Variants in DACH1 observed in about 807,000 individuals in gnomAD.
DACH1 encodes dachshund homolog 1.
DACH1 carries 12 observed loss-of-function variants against 54.2 expected under a neutral mutation model. That is an observed-to-expected ratio of 0.22 (90% CI 0.14 to 0.36). DACH1 has a LOEUF of 0.36. Among genes scored for constraint, DACH1 ranks in the 10% least tolerant of loss-of-function variants. The probability of loss-of-function intolerance (pLI) is 1.00; values close to 1 mark genes in which losing one functional copy is unlikely to be tolerated. For synonymous variants in DACH1, 386 were observed against 366.2 expected (o/e 1.05, Z -0.62); for missense variants, 805 against 929.8 (o/e 0.87, Z 1.75).
intron 1 of DACH1, among the ~76,000 whole-genome samples, chr13:71,735,591 G>C (rs61958971): frequency 8.5e-5 from 3 of 35,204 alleles, no homozygotes; most frequent in Non-Finnish European, 8.9e-4. Flanking sequence ...GTGTATATGG[G>C]ATATACGTAT....
intron 2 of DACH1, among the ~76,000 whole-genome samples, chr13:71,631,867 G>A (rs1223211256): frequency 6.6e-6 from 1 of 152,198 alleles, no homozygotes; most frequent in Non-Finnish European, 1.5e-5. Context: ...GGGAGGCAGA[G>A]ACAGGCGGAT....
chr13:71,616,559 C>G (rs1197444185), intron 3 of DACH1, among the ~76,000 whole-genome samples: 1 of 151,846 alleles, frequency 6.6e-6, no homozygotes, highest in African/African-American at 2.4e-5. Context: ...CTAACCTGGG[C>G]AACAATGTCT....
chr13:71,515,670 C>T (rs967444899), intron 6 of DACH1, among the ~76,000 whole-genome samples: 1 of 151,870 alleles, frequency 6.6e-6, no homozygotes, highest in Non-Finnish European at 1.5e-5. Context: ...TAAAGAAATA[C>T]AAATTGCACA....
At chr13:71,587,295 G>C (rs1329216008) in intron 3 of DACH1, among the ~76,000 whole-genome samples, 2 of 152,010 alleles carry the variant, frequency 1.3e-5, no homozygotes, top group Non-Finnish European at 2.9e-5. Flanking sequence ...TGCACAGCTT[G>C]CAACATTATT....
intron 2 of DACH1, among the ~76,000 whole-genome samples, chr13:71,653,371 C>A (rs1179139306): frequency 6.6e-6 from 1 of 152,220 alleles, no homozygotes. Context: ...ACAATCTAAG[C>A]CTGAGTGAAG....
chr13:71,460,580 C>T (rs577208731), intron 10 of DACH1, among the ~76,000 whole-genome samples: 47 of 152,026 alleles, frequency 3.1e-4, no homozygotes, highest in African/African-American at 1.1e-3. Flanking sequence ...ACACGGTTGT[C>T]TTGTTGGGAG....
intron 2 of DACH1, among the ~76,000 whole-genome samples, chr13:71,671,797 G>T (rs993814908): frequency 6.6e-6 from 1 of 152,222 alleles, no homozygotes; most frequent in East Asian, 1.9e-4. Context: ...TCTGTCAGAA[G>T]GAAAATTTGA....
intron 1 of DACH1, among the ~76,000 whole-genome samples, chr13:71,850,127 C>G (rs2138261695): frequency 6.6e-6 from 1 of 152,304 alleles, no homozygotes; most frequent in Middle Eastern, 3.4e-3. Flanking sequence ...CTACAGCTCT[C>G]ATAGGTATAC....
chr13:71,716,277 T>C (rs1341083980), intron 1 of DACH1, among the ~76,000 whole-genome samples: 1 of 152,110 alleles, frequency 6.6e-6, no homozygotes, highest in Non-Finnish European at 1.5e-5. Flanking sequence ...TCCTGTAGTG[T>C]TTGATACTGA....
chr13:71,711,369 A>C (rs1398254592), intron 1 of DACH1, among the ~76,000 whole-genome samples: 1 of 152,178 alleles, frequency 6.6e-6, no homozygotes, highest in Non-Finnish European at 1.5e-5. Flanking sequence ...GAAGGTTTTT[A>C]ACATCTAAGA....
At chr13:71,763,187 G>A in intron 1 of DACH1, among the ~76,000 whole-genome samples, 1 of 152,150 alleles carries the variant, frequency 6.6e-6, no homozygotes, top group Non-Finnish European at 1.5e-5. Flanking sequence ...TATTAAGTAA[G>A]TATTATATGT....
chr13:71,842,964 T>C (rs1477367133), intron 1 of DACH1, among the ~76,000 whole-genome samples: 1 of 152,200 alleles, frequency 6.6e-6, no homozygotes, highest in Non-Finnish European at 1.5e-5. Flanking sequence ...TCAATAACAT[T>C]TTATAATTTA....
At chr13:71,639,328 A>G (rs1877726124) in intron 2 of DACH1, among the ~76,000 whole-genome samples, 1 of 152,136 alleles carries the variant, frequency 6.6e-6, no homozygotes, top group Admixed American at 6.6e-5. Flanking sequence ...TAGACTGAAG[A>G]TTTTGAGTGT....
intron 2 of DACH1, among the ~76,000 whole-genome samples, chr13:71,654,344 T>C (rs61958962): frequency 0.041 from 6,155 of 148,554 alleles, 206 homozygotes; most frequent in Admixed American, 0.097. Context: ...GAGCCGAGAC[T>C]GCACCACCAC....
chr13:71,761,003 C>A (rs1265495214), intron 1 of DACH1, among the ~76,000 whole-genome samples: 1 of 151,826 alleles, frequency 6.6e-6, no homozygotes, highest in Non-Finnish European at 1.5e-5. Flanking sequence ...AATCCTTCAT[C>A]TTGTATGTCC....
At chr13:71,840,370 GA>G (rs907868612) in intron 1 of DACH1, among the ~76,000 whole-genome samples, 3 of 151,526 alleles carry the variant, frequency 2.0e-5, no homozygotes, top group African/African-American at 7.3e-5. Context: ...TCTTCCAATG[GA>G]AAAAAAATTT....
At chr13:71,468,245 A>C (rs369528411) in intron 10 of DACH1, among the ~76,000 whole-genome samples, 2 of 152,342 alleles carry the variant, frequency 1.3e-5, no homozygotes, top group East Asian at 3.9e-4. Flanking sequence ...ATATATTGTA[A>C]TAATAAAATT....
Position 71,834,415 on chromosome 13 carries a change from GCCCGTGAAGTAAGAC to G in DACH1, c.848+31492_848+31506del, listed in dbSNP as rs1301431205. On this transcript the variant is annotated intron_variant, in intron 1 of 10. Transcript: ENST00000613252. ...TGATGCAAAGGTTCTCATATAACACGCCCGTGAAGTAAGACCCCAAATATCTACCTAATCTCCACT... is the reference window on the plus strand; with the variant it reads ...TGATGCAAAGGTTCTCATATAACACGCCCAAATATCTACCTAATCTCCACT... Among the ~76,000 whole-genome samples, 32 of 151,988 alleles carry G rather than the reference GCCCGTGAAGTAAGAC, an allele frequency of 2.1e-4. 2 individuals are homozygous for G. In the South Asian group the frequency reaches 6.6e-3, roughly 32 times the overall value.
At chr13:71,493,973 CTTG>C (rs904530449) in intron 6 of DACH1, among the ~76,000 whole-genome samples, 4 of 152,058 alleles carry the variant, frequency 2.6e-5, no homozygotes, top group African/African-American at 9.7e-5. Context: ...CTTAAATTAT[CTTG>C]TTTTCTTTTA....
Sources: gnomAD v4.1 joint callset for allele counts (sites outside exome capture counted in the v4.1 genomes callset) on GRCh38, gnomAD v4.1.1 for gene constraint, MANE v1.5 for transcripts, NCBI Gene and HGNC (gene_info 2026-07-23, HGNC 2026-07-21) for gene names.